Variants in DECR2 observed in about 807,000 individuals in gnomAD.
The protein encoded by DECR2 is 2,4-dienoyl-CoA reductase 2.
DECR2 carries 34 observed loss-of-function variants against 29.2 expected under a neutral mutation model. The observed-to-expected ratio is 1.16, with a 90% CI of 0.89 to 1.55. DECR2 has a LOEUF of 1.55. Among genes scored for constraint, DECR2 ranks in the 40% most tolerant of loss-of-function variants. The probability of loss-of-function intolerance (pLI) is 0.00; values close to 1 mark genes in which losing one functional copy is unlikely to be tolerated. For synonymous variants in DECR2, 224 were observed against 182.7 expected (o/e 1.23, Z -1.82); for missense variants, 485 against 425.3 (o/e 1.14, Z -1.23).
chr16:410,275 G>T lies in DECR2; in HGVS notation c.370G>T (p.Ala124Ser), dbSNP rs759870779. ...AAGNFLCPAG[A>S]LSFNAFKTVM... ...CGGGAACTTCCTGTGCCCCGCTGGC[G>T]CCTTGTCCTTCAACGCCTTCAAGAC... Residue 124 changes from alanine to serine, a missense_variant, in exon 5 of 9, where the codon GCC becomes TCC. Transcript: ENST00000219481. The surrounding 1 kb of genome is among the most constrained non-coding windows in gnomAD (Gnocchi z 4.1). 7 of 1,613,482 alleles carry T rather than the reference G, an allele frequency of 4.3e-6. No homozygotes were observed.
rs377575851 is a variant in DECR2 at position 407,600 on chromosome 16, T to C, written c.337+40T>C. ...AGTGAGGTTGGTGGCTTCTCACAGG[T>C]TGGTGGTACCATTTGGAGGCCCTAG... On this transcript the variant is annotated intron_variant, in intron 4 of 8. Coordinates refer to ENST00000219481, the MANE Select transcript of DECR2 (RefSeq NM_020664.4). 1.4e-5 allele frequency: 23 copies of C among 1,609,548 alleles called. No homozygotes were observed. In the African/African-American group the frequency reaches 3.1e-4, roughly 22 times the overall value.
chr16:410,635 C>T lies in DECR2; in HGVS notation c.463-56C>T, dbSNP rs1426617318. The stretch of plus-strand genomic sequence containing the variant: ...CCCCTGACAGCCACCCGCTCACTGT[C>T]CTGTGACCTCCCCCGACACCCGCCC... On this transcript the variant is annotated intron_variant, in intron 5 of 8. Coordinates refer to ENST00000219481, the MANE Select transcript of DECR2 (RefSeq NM_020664.4). This position sits in a 1 kb window ranked among gnomAD's most constrained non-coding sequence, Gnocchi z 4.1. 2.0e-6 allele frequency: 3 copies of T among 1,512,858 alleles called. No individual in the cohort carries two copies. Among genetic ancestry groups the T allele is most frequent in the Non-Finnish European group, 1.8e-6 (2 of 1,111,644 alleles). The allele number at this position is 1,512,858 out of a possible 1,614,324, so 93.7% of individuals were successfully genotyped here.
intron 1 of DECR2, among the ~76,000 whole-genome samples, chr16:404,420 A>C (rs2054701498): frequency 6.7e-6 from 1 of 150,064 alleles, no homozygotes; most frequent in Non-Finnish European, 1.5e-5. Context: ...TTATATTTTT[A>C]GTAGAGACGG....
rs1287310595 is a variant in DECR2, at chr16:407,498, C to T, written c.275C>T (p.Ala92Val). The T allele has an allele frequency of 6.2e-7, 1 of 1,613,864 alleles. No homozygotes were observed. The highest frequency in any genetic ancestry group is 8.5e-7 in the Non-Finnish European group (1 of 1,179,954). Residue 92 changes from alanine to valine, a missense_variant, in exon 4 of 9, where the codon GCT becomes GTT. Coordinates refer to ENST00000219481, the MANE Select transcript of DECR2 (RefSeq NM_020664.4). ...PLSMDVRAPP[A>V]VMAAVDQALK... ...TCTATGGACGTCCGAGCGCCCCCAGCTGTCATGGCCGCCGTGGACCAGGCT... is the reference window on the plus strand; with the variant it reads ...TCTATGGACGTCCGAGCGCCCCCAGTTGTCATGGCCGCCGTGGACCAGGCT...
At chr16:408,636 G>A (rs1489800495) in intron 4 of DECR2, among the ~76,000 whole-genome samples, 1 of 151,576 alleles carries the variant, frequency 6.6e-6, no homozygotes, top group African/African-American at 2.4e-5. Flanking sequence ...GCCTCCTGAG[G>A]AGCTGGGACT....
chr16:411,218 C>G, intron 7 of DECR2, 142 bp downstream of exon 7: 19 of 1,162,914 alleles, frequency 1.6e-5, no homozygotes, highest in Non-Finnish European at 2.0e-5. Flanking sequence ...CTGTGCCTGG[C>G]CTGATCCTGC....
intron 1 of DECR2, among the ~76,000 whole-genome samples, chr16:404,491 T>C (rs2054702416): frequency 6.6e-6 from 1 of 152,068 alleles, no homozygotes; most frequent in South Asian, 2.1e-4. Flanking sequence ...CCGCCCGCCT[T>C]GGCCTCCTAA....
chr16:411,590 C>A lies in DECR2; in HGVS notation c.*12C>A. 1.2e-6 allele frequency: 2 copies of A among 1,600,526 alleles called. No individual in the cohort carries two copies. Among genetic ancestry groups the A allele is most frequent in the South Asian group, 1.1e-5 (1 of 89,158 alleles). On this transcript the variant is annotated intron_variant, in intron 8 of 8. Transcript: ENST00000219481. ...CTGCTAAGCTCTAGGTGAGGTACTGCTCCCGCTTCTTGGGGTCATCTGTGT... is the reference window on the plus strand; with the variant it reads ...CTGCTAAGCTCTAGGTGAGGTACTGATCCCGCTTCTTGGGGTCATCTGTGT...
At position 410,626 on chromosome 16, in the gene DECR2, G is replaced by A. The variant is rs979161525; in HGVS notation, c.463-65G>A. The A allele has an allele frequency of 4.2e-5, 61 of 1,464,810 alleles. No individual in the cohort carries two copies. The African/African-American group carries it at 5.9e-4, about 14-fold the overall frequency. The allele number at this position is 1,464,810 out of a possible 1,614,324, so 90.7% of individuals were successfully genotyped here. A position where few individuals can be genotyped will look rare whatever the true frequency, so the allele number is the denominator to read the frequency against. ...CCGGGCCTCCCCCTGACAGCCACCCGCTCACTGTCCTGTGACCTCCCCCGA... is the reference window on the plus strand; with the variant it reads ...CCGGGCCTCCCCCTGACAGCCACCCACTCACTGTCCTGTGACCTCCCCCGA... On this transcript the variant is annotated intron_variant, in intron 5 of 8. Transcript: ENST00000219481. The surrounding 1 kb of genome is among the most constrained non-coding windows in gnomAD (Gnocchi z 4.1).
At chr16:406,187 G>A (rs559085035) in intron 2 of DECR2, among the ~76,000 whole-genome samples, 159 bp from the exon 3 acceptor site, 1 of 152,122 alleles carries the variant, frequency 6.6e-6, no homozygotes, top group Non-Finnish European at 1.5e-5. Context: ...GGTCCCTCCA[G>A]AGTACCTCAG....
chr16:408,184 TCTGTCTCCGGCCCC>T (rs1305156955), intron 4 of DECR2, among the ~76,000 whole-genome samples: 12 of 73,020 alleles, frequency 1.6e-4, no homozygotes, highest in Non-Finnish European at 2.0e-4. Context: ...TCTCCGGGCC[TCTGTCTCCGGCCCC>T]CTGTCTCCGG....
At chr16:404,879 T>G (rs2054706398) in intron 1 of DECR2, 77 bp from the exon 2 acceptor site, 6 of 1,450,444 alleles carry the variant, frequency 4.1e-6, no homozygotes, top group Non-Finnish European at 4.8e-6. Context: ...CCACCCACCT[T>G]GGCCTTCCAA....
In DECR2 at chr16:406,366, T is replaced by C; in HGVS notation, c.170T>C (p.Ile57Thr). 1 of 1,607,946 alleles carries C rather than the reference T, an allele frequency of 6.2e-7. No individual in the cohort carries two copies. Among genetic ancestry groups the C allele is most frequent in the Non-Finnish European group, 8.5e-7 (1 of 1,179,930 alleles). The change falls in exon 3 of 9, where the codon ATT (isoleucine) becomes ACT (threonine). Residue 57 changes from isoleucine (I) to threonine (T), a missense_variant. By Grantham distance (89) the Ile-to-Thr change is moderately conservative (BLOSUM62 -1). Transcript: ENST00000219481. ...IFMRHGCHTV[I>T]ASRSLPRVLT... ...TGCAGGCACGGCTGCCATACGGTGA[T>C]TGCCAGTAGGAGCCTGCCGCGAGTG...
chr16:409,520 T>G (rs1356317252), intron 4 of DECR2: 1 of 152,178 alleles, frequency 6.6e-6, no homozygotes, highest in Non-Finnish European at 1.5e-5. Flanking sequence ...ATTAATAGTA[T>G]ATGGAATTCC....
intron 2 of DECR2, 152 bp downstream of exon 2, chr16:405,176 G>A: frequency 1.1e-6 from 1 of 913,022 alleles, no homozygotes; most frequent in Non-Finnish European, 1.7e-6. Flanking sequence ...GGACTGGGGA[G>A]CGGTCGAGGA....
Position 401,952 on chromosome 16 carries a change from G to A in DECR2, c.-12G>A, listed in dbSNP as rs1483187195. The A allele has an allele frequency of 1.3e-6, 2 of 1,482,394 alleles. No individual in the cohort carries two copies. The highest frequency in any genetic ancestry group is 1.5e-5 in the African/African-American group (1 of 68,580). 91.8% of individuals were successfully genotyped at this position (1,482,394 alleles called of 1,614,324 possible). ...CCCGCCCGTTGTCCCCGCAGTCCCC[G>A]ACGGGAGCGCCATGGCCCAGCCGCC... On this transcript the variant is annotated 5_prime_UTR_variant, in exon 1 of 9. Coordinates refer to ENST00000219481, the MANE Select transcript of DECR2 (RefSeq NM_020664.4).
In DECR2 at chr16:406,337, G is replaced by T; in HGVS notation, c.150-9G>T. ...CACACTGCCCTCACACCTGCTTCTG[G>T]TTTTGCAGGCACGGCTGCCATACGG... is the stretch of plus-strand genomic sequence containing the variant. On this transcript the variant is annotated splice_polypyrimidine_tract_variant and intron_variant, in intron 2 of 8. Coordinates refer to ENST00000219481, the MANE Select transcript of DECR2 (RefSeq NM_020664.4). 1 of 1,606,442 alleles carries T rather than the reference G, an allele frequency of 6.2e-7. No individual in the cohort carries two copies. Among genetic ancestry groups the T allele is most frequent in the Non-Finnish European group, 8.5e-7 (1 of 1,179,896 alleles).
At position 402,020 on chromosome 16, in the gene DECR2, C is replaced by G. The variant is rs1469720075; in HGVS notation, c.57C>G (p.His19Gln). The change falls in exon 1 of 9, where the codon CAC (histidine) becomes CAG (glutamine). Residue 19 changes from histidine (H) to glutamine (Q), a missense_variant. Transcript: ENST00000219481. ...ACGACTGTCTCCCCGCGTACCGCCA[C>G]CTCTTCTGCCCGGACCTGCTGCGGT... Reference protein sequence around the residue: ...EGDDCLPAYRHLFCPDLLRDK... With the variant: ...EGDDCLPAYRQLFCPDLLRDK... 6.7e-6 allele frequency: 10 copies of G among 1,484,828 alleles called. No individual in the cohort carries two copies. Among genetic ancestry groups the G allele is most frequent in the Non-Finnish European group, 8.9e-6 (10 of 1,124,218 alleles). 92.0% of individuals were successfully genotyped at this position (1,484,828 alleles called of 1,614,324 possible). A position where few individuals can be genotyped will look rare whatever the true frequency, so the allele number is the denominator to read the frequency against.
intron 8 of DECR2, 118 bp from the exon 9 acceptor site, chr16:411,772 T>G: frequency 1.7e-6 from 1 of 574,338 alleles, no homozygotes. Flanking sequence ...TACTTGCTCT[T>G]CTGTAGCGGC....
Sources: allele counts gnomAD v4.1 joint callset (sites outside exome capture counted in the v4.1 genomes callset), GRCh38; gene constraint gnomAD v4.1.1; non-coding constraint Gnocchi (gnomAD v3.1); transcripts MANE v1.5; gene names NCBI Gene and HGNC (gene_info 2026-07-23, HGNC 2026-07-21).